Variants in PCSK5 observed in about 807,000 individuals in gnomAD.
PCSK5 encodes prohormone convertase 5.
Under a neutral mutation model 233.2 loss-of-function variants are expected in PCSK5, and 129 were observed. The ratio of observed to expected loss-of-function variants is 0.55; its 90% CI spans 0.48 to 0.64. The LOEUF is 0.64. PCSK5 is among the 30% of genes least tolerant of loss of function. The pLI is 0.00. For synonymous variants in PCSK5, 825 were observed against 879.2 expected (o/e 0.94, Z 1.09); for missense variants, 2,076 against 2,430.1 (o/e 0.85, Z 3.06).
At chr9:75,931,125 G>A (rs1489915395) in intron 1 of PCSK5, among the ~76,000 whole-genome samples, 1 of 152,142 alleles carries the variant, frequency 6.6e-6, no homozygotes, top group East Asian at 1.9e-4. Flanking sequence ...ACTGTGTAAA[G>A]CCCTAGTGAG....
At chr9:76,235,185 A>G (rs1363598067) in intron 22 of PCSK5, among the ~76,000 whole-genome samples, 5 of 152,224 alleles carry the variant, frequency 3.3e-5, no homozygotes, top group African/African-American at 7.2e-5. Context: ...GAATGGTTCA[A>G]TGGAAGGAAT....
chr9:76,001,814 A>T (rs1217124065), intron 3 of PCSK5, among the ~76,000 whole-genome samples: 1 of 152,206 alleles, frequency 6.6e-6, no homozygotes, highest in East Asian at 1.9e-4. Context: ...ATTTTGTCCA[A>T]GAAAATGAAA....
intron 1 of PCSK5, among the ~76,000 whole-genome samples, chr9:75,892,397 C>T (rs997061284): frequency 6.6e-6 from 1 of 152,216 alleles, no homozygotes; most frequent in Non-Finnish European, 1.5e-5. Context: ...AGAAAGTACC[C>T]CCCTCCACAT....
intron 2 of PCSK5, among the ~76,000 whole-genome samples, chr9:75,941,142 C>T (rs1388769721): frequency 6.6e-6 from 1 of 152,196 alleles, no homozygotes; most frequent in African/African-American, 2.4e-5. Flanking sequence ...CCAGCGGGCG[C>T]TCCTGGGTGT....
intron 3 of PCSK5, among the ~76,000 whole-genome samples, chr9:76,006,230 T>G (rs899949544): frequency 6.6e-6 from 1 of 152,110 alleles, no homozygotes; most frequent in Non-Finnish European, 1.5e-5. Flanking sequence ...ACAATTTTAA[T>G]GTATTTTTAT....
At chr9:75,962,067 A>G (rs1825377162) in intron 2 of PCSK5, among the ~76,000 whole-genome samples, 1 of 152,144 alleles carries the variant, frequency 6.6e-6, no homozygotes, top group African/African-American at 2.4e-5. Context: ...AATAACCAGC[A>G]TGGATTGGGA....
chr9:75,926,279 C>A (rs1823484215), intron 1 of PCSK5, among the ~76,000 whole-genome samples: 1 of 152,156 alleles, frequency 6.6e-6, no homozygotes, highest in African/African-American at 2.4e-5. Context: ...TGCAGCCAGT[C>A]CTGTATATAG....
At chr9:76,083,204 C>CAAAAAA (rs11324176) in intron 7 of PCSK5, among the ~76,000 whole-genome samples, 66 of 75,310 alleles carry the variant, frequency 8.8e-4, no homozygotes, top group Non-Finnish European at 1.2e-3. Context: ...AGCGAGATCT[C>CAAAAAA]AAAAAAAAAA....
intron 1 of PCSK5, among the ~76,000 whole-genome samples, chr9:75,897,052 TCC>T (rs1825838201): frequency 1.3e-5 from 2 of 152,106 alleles, no homozygotes; most frequent in African/African-American, 4.8e-5. Flanking sequence ...GACCCTCAGT[TCC>T]TCATTTTTCA....
chr9:75,960,276 C>A (rs1478169828), intron 2 of PCSK5, among the ~76,000 whole-genome samples: 2 of 152,142 alleles, frequency 1.3e-5, no homozygotes, highest in Non-Finnish European at 2.9e-5. Context: ...CATATTCTTA[C>A]AAGCTGGAGA....
At chr9:76,016,238 T>C (rs1223355110) in intron 3 of PCSK5, among the ~76,000 whole-genome samples, 1 of 152,224 alleles carries the variant, frequency 6.6e-6, no homozygotes, top group Non-Finnish European at 1.5e-5. Context: ...CCAACCATAG[T>C]GGGCTGTTTC....
intron 5 of PCSK5, among the ~76,000 whole-genome samples, chr9:76,041,974 A>G (rs1563989698): frequency 6.6e-6 from 1 of 152,212 alleles, no homozygotes; most frequent in Non-Finnish European, 1.5e-5. Context: ...ACCTTATTCA[A>G]TACTAGAGAC....
At chr9:75,982,591 C>A (rs914483960) in intron 2 of PCSK5, among the ~76,000 whole-genome samples, 5 of 152,082 alleles carry the variant, frequency 3.3e-5, no homozygotes, top group African/African-American at 1.2e-4. Context: ...CCTGATTTAC[C>A]TTTCCAGAAG....
chr9:75,921,154 T>C (rs949517386), intron 1 of PCSK5, among the ~76,000 whole-genome samples: 9 of 152,202 alleles, frequency 5.9e-5, no homozygotes, highest in Admixed American at 5.2e-4. Context: ...ATGGATGAAT[T>C]AGAACAGTAG....
intron 3 of PCSK5, among the ~76,000 whole-genome samples, chr9:75,996,187 T>C (rs1827014745): frequency 1.3e-5 from 2 of 152,176 alleles, no homozygotes; most frequent in Admixed American, 6.5e-5. Context: ...GTATTTGTTC[T>C]ACAGCTTAGG....
At chr9:76,096,310 CAACATT>C (rs781131877) in intron 8 of PCSK5, among the ~76,000 whole-genome samples, 5 of 152,070 alleles carry the variant, frequency 3.3e-5, no homozygotes, top group Non-Finnish European at 5.9e-5. Context: ...CATCACATTG[CAACATT>C]TAATGTGGAC....
At chr9:76,337,523 G>C (rs1485977218) in intron 34 of PCSK5, among the ~76,000 whole-genome samples, 4 of 151,944 alleles carry the variant, frequency 2.6e-5, no homozygotes, top group African/African-American at 9.7e-5. Context: ...GCCTAGGATG[G>C]AGTGCAGTGG....
intron 34 of PCSK5, among the ~76,000 whole-genome samples, chr9:76,333,272 T>C (rs1399541075): frequency 6.6e-6 from 1 of 152,150 alleles, no homozygotes; most frequent in Admixed American, 6.5e-5. Flanking sequence ...TTAATGGAGG[T>C]TCTTTTTCTT....
intron 2 of PCSK5, among the ~76,000 whole-genome samples, chr9:75,981,639 A>G (rs1450623613): frequency 6.6e-6 from 1 of 152,120 alleles, no homozygotes; most frequent in East Asian, 1.9e-4. Flanking sequence ...TGCAGCCTCA[A>G]ACTCCTGGGC....
Sources: gnomAD v4.1 joint callset for allele counts (sites outside exome capture counted in the v4.1 genomes callset) on GRCh38, gnomAD v4.1.1 for gene constraint, MANE v1.5 for transcripts, NCBI Gene and HGNC (gene_info 2026-07-23, HGNC 2026-07-21) for gene names.